PYHIN1: variants seen among roughly 807,000 people sequenced by gnomAD.
The protein encoded by PYHIN1 is pyrin and HIN domain family member 1, also known as pyrin and HIN domain-containing protein 1.
PYHIN1 carries 32 observed loss-of-function variants against 43.7 expected under a neutral mutation model. The observed-to-expected ratio is 0.73, with a 90% CI of 0.55 to 0.98. PYHIN1 has a LOEUF of 0.98. Among genes scored for constraint, PYHIN1 ranks in the 50% least tolerant of loss-of-function variants. The pLI is 0.00. For synonymous variants in PYHIN1, 205 were observed against 203.1 expected, an observed-to-expected ratio of 1.01 and a Z score of -0.08; for missense variants, 588 against 589.5, an observed-to-expected ratio of 1.00 and a Z score of 0.03.
intron 1 of PYHIN1, among the ~76,000 whole-genome samples, chr1:158,934,622 T>A (rs1168535591): frequency 2.6e-5 from 4 of 152,266 alleles, no homozygotes; most frequent in Non-Finnish European, 5.9e-5. Context: ...GACACTCATG[T>A]TCTCTCAAGA....
At chr1:158,937,229 C>T in intron 2 of PYHIN1, 54 bp downstream of exon 2, 6 of 1,502,878 alleles carry the variant, frequency 4.0e-6, no homozygotes, top group Non-Finnish European at 5.3e-6. Context: ...CCCTTCCCAA[C>T]CTTGATTAGA....
At chr1:158,934,930 A>G (rs1648427852) in intron 1 of PYHIN1, among the ~76,000 whole-genome samples, 1 of 152,146 alleles carries the variant, frequency 6.6e-6, no homozygotes, top group East Asian at 1.9e-4. Context: ...GGGTTTCACC[A>G]TGTTGGCCAG....
intron 7 of PYHIN1, among the ~76,000 whole-genome samples, chr1:158,951,742 C>A (rs959393306): frequency 6.6e-6 from 1 of 150,668 alleles, no homozygotes; most frequent in African/African-American, 2.4e-5. Flanking sequence ...AAATGAATAA[C>A]CTTGCAATCA....
At chr1:158,989,959 A>G in the PYHIN1 span, among the ~76,000 whole-genome samples, 1 of 152,138 alleles carries the variant, frequency 6.6e-6, no homozygotes, top group Admixed American at 6.5e-5. Flanking sequence ...TCTTTTATCT[A>G]CAGAACCTTA....
chr1:158,961,784 G>A (rs1031990344), intron 7 of PYHIN1, among the ~76,000 whole-genome samples: 4 of 152,244 alleles, frequency 2.6e-5, no homozygotes, highest in East Asian at 3.9e-4. Flanking sequence ...CACCACTCAG[G>A]CATACAAGGA....
At position 158,945,056 on chromosome 1, in the gene PYHIN1, G is replaced by A; in HGVS notation, c.1359+14G>A. 1 of 1,603,808 alleles carries A rather than the reference G, an allele frequency of 6.2e-7. No individual in the cohort carries two copies. On this transcript the variant is annotated intron_variant, in intron 7 of 8. Coordinates refer to ENST00000368140, the MANE Select transcript of PYHIN1 (RefSeq NM_152501.5). ...TCCTTCACCAAGGTACAATATCCTG[G>A]GTCCCATGACTCTTATCTCCCAAAT...
chr1:158,939,192 G>A lies in PYHIN1; in HGVS notation c.524G>A (p.Arg175His), dbSNP rs781304839. Residue 175 changes from arginine (R) to histidine (H), a missense_variant, in exon 4 of 9, where the codon CGT (arginine) becomes CAT (histidine). Transcript: ENST00000368140. ...AGASTSTAMG[R>H]SPPPQTSSSA... ...GCCAGCACGTCCACAGCCATGGGCCGTTCCCCACCTCCCCAGACCTCATCA... is the reference window on the plus strand; with the variant it reads ...GCCAGCACGTCCACAGCCATGGGCCATTCCCCACCTCCCCAGACCTCATCA... 4.3e-5 allele frequency: 70 copies of A among 1,613,302 alleles called. No individual in the cohort carries two copies. The highest frequency in any genetic ancestry group is 3.3e-4 in the Middle Eastern group (2 of 6,060).
chr1:158,983,549 T>A, the PYHIN1 span, among the ~76,000 whole-genome samples: 3 of 152,112 alleles, frequency 2.0e-5, no homozygotes, highest in Non-Finnish European at 4.4e-5. Context: ...CTAGTATTTT[T>A]TTTTGAGGAC....
intron 7 of PYHIN1, among the ~76,000 whole-genome samples, chr1:158,960,092 C>T (rs1016114487): frequency 6.6e-6 from 1 of 152,192 alleles, no homozygotes; most frequent in African/African-American, 2.4e-5. Flanking sequence ...GATAAGCTTC[C>T]TATATACAAG....
chr1:158,968,323 T>C (rs2101725939), intron 7 of PYHIN1, among the ~76,000 whole-genome samples: 1 of 151,930 alleles, frequency 6.6e-6, no homozygotes, highest in African/African-American at 2.4e-5. Flanking sequence ...AACATACACA[T>C]GGCCAACAAA....
downstream of PYHIN1, among the ~76,000 whole-genome samples, chr1:158,979,474 A>C (rs1651413073): frequency 6.7e-6 from 1 of 149,884 alleles, no homozygotes; most frequent in South Asian, 2.1e-4. Context: ...ACTATTGCAG[A>C]ATTTCATTCA....
intron 7 of PYHIN1, among the ~76,000 whole-genome samples, chr1:158,966,755 A>T (rs1033826557): frequency 6.6e-6 from 1 of 152,166 alleles, no homozygotes; most frequent in African/African-American, 2.4e-5. Context: ...AGCCAACATC[A>T]TACTTTATGG....
chr1:158,986,533 G>A, the PYHIN1 span, among the ~76,000 whole-genome samples: 78 of 152,254 alleles, frequency 5.1e-4, no homozygotes, highest in Non-Finnish European at 8.8e-4. Context: ...GGGACATGCT[G>A]GCAAAAATGC....
intron 8 of PYHIN1, among the ~76,000 whole-genome samples, chr1:158,975,655 A>G (rs557858127): frequency 2.0e-5 from 3 of 152,124 alleles, no homozygotes; most frequent in Non-Finnish European, 4.4e-5. Flanking sequence ...AGCACAGTAG[A>G]AAGACCATGT....
At chr1:158,979,678 G>C (rs1448568963), downstream of PYHIN1, among the ~76,000 whole-genome samples, 1 of 152,046 alleles carries the variant, frequency 6.6e-6, no homozygotes, top group Admixed American at 6.6e-5. Flanking sequence ...TAATTATTTT[G>C]CATAAATACC....
downstream of PYHIN1, among the ~76,000 whole-genome samples, chr1:158,981,114 A>G (rs1157731626): frequency 6.6e-6 from 1 of 152,176 alleles, no homozygotes; most frequent in Non-Finnish European, 1.5e-5. Context: ...TCCGTAGTGT[A>G]CCATGTTGTA....
Position 158,962,142 on chromosome 1 carries a change from C to CCAGCA in PYHIN1, c.1360-11496_1360-11492dup, listed in dbSNP as rs756919811. On this transcript the variant is annotated intron_variant, in intron 7 of 8. Coordinates refer to ENST00000368140, the MANE Select transcript of PYHIN1 (RefSeq NM_152501.5). ...TGGTGATTAGGGACTGGCTGGATCC[C>CCAGCA]CAGCACAGCACAGATGCCTCATGAA... Among the ~76,000 whole-genome samples, 5 of 152,220 alleles carry CCAGCA rather than the reference C, an allele frequency of 3.3e-5. No homozygotes were observed. The East Asian group carries it at 7.8e-4, about 24-fold the overall frequency.
intron 7 of PYHIN1, among the ~76,000 whole-genome samples, chr1:158,952,913 G>A (rs557168638): frequency 4.6e-5 from 7 of 152,354 alleles, no homozygotes; most frequent in Admixed American, 2.6e-4. Context: ...TGCGCGAGCC[G>A]AAGTAGGGTG....
At position 158,976,874 on chromosome 1, in the gene PYHIN1, A is replaced by G. The variant is rs1459667485; in HGVS notation, c.*179A>G. ...TATATATCTGGTTGAAATACTATAT[A>G]TATATATATATATATATATATATAT... On this transcript the variant is annotated 3_prime_UTR_variant, in exon 9 of 9. Coordinates refer to ENST00000368140, the MANE Select transcript of PYHIN1 (RefSeq NM_152501.5). The G allele has an allele frequency of 5.8e-4, 1 of 1,726 alleles. No individual in the cohort carries two copies. The highest frequency in any genetic ancestry group is 0.038 in the South Asian group (1 of 26). 0.1% of individuals were successfully genotyped at this position (1,726 alleles called of 1,614,324 possible).
Sources: gnomAD v4.1 joint callset for allele counts (sites outside exome capture counted in the v4.1 genomes callset) on GRCh38, gnomAD v4.1.1 for gene constraint, MANE v1.5 for transcripts, NCBI Gene and HGNC (gene_info 2026-07-23, HGNC 2026-07-21) for gene names.